LOC101059915: variants seen among roughly 807,000 people sequenced by gnomAD.
the LOC101059915 span, chrX:71,669,578 A>G: frequency 5.2e-6 from 5 of 960,925 alleles, no homozygotes; most frequent in Non-Finnish European, 5.2e-6. Context: ...CAGAAGCCAG[A>G]GCTGATTTCT....
chrX:71,668,812 C>T, the LOC101059915 span: 14 of 1,082,348 alleles, frequency 1.3e-5, no homozygotes, highest in South Asian at 2.4e-5. Flanking sequence ...AGAACTGGCC[C>T]TGCGGGGAGC....
chrX:71,670,177 A>G, the LOC101059915 span: 1 of 1,111,236 alleles, frequency 9.0e-7, no homozygotes, highest in Non-Finnish European at 1.2e-6. Context: ...GCAGAGGGTG[A>G]TGGTGCCTCA....
the LOC101059915 span, chrX:71,668,696 G>C: frequency 9.3e-7 from 1 of 1,076,819 alleles, no homozygotes; most frequent in Non-Finnish European, 1.2e-6. Flanking sequence ...TGGGGAAAGA[G>C]GGGGGTCAGG....
At chrX:71,670,128 G>T in the LOC101059915 span, 8 of 852,250 alleles carry the variant, frequency 9.4e-6, no homozygotes, top group Non-Finnish European at 1.3e-5. Context: ...CAGAGGGAGG[G>T]TTGGAGATGC....
chrX:71,668,251 A>G, the LOC101059915 span: 1 of 1,125,417 alleles, frequency 8.9e-7, no homozygotes, highest in Admixed American at 3.0e-5. Context: ...AGGTGCGCTG[A>G]GCCCCAGCCC....
chrX:71,667,899 A>G, the LOC101059915 span: 84 of 1,123,059 alleles, frequency 7.5e-5, no homozygotes, highest in East Asian at 1.8e-3. Flanking sequence ...CGGGAGCCCC[A>G]CGGGGTGACG....
chrX:71,670,569 A>T, the LOC101059915 span: 1 of 1,098,508 alleles, frequency 9.1e-7, no homozygotes. Context: ...AGGAAGCCAG[A>T]ATTGACTAAC....
At chrX:71,670,816 T>C in the LOC101059915 span, 15 of 752,019 alleles carry the variant, frequency 2.0e-5, no homozygotes, top group African/African-American at 3.0e-4. Flanking sequence ...CTGTGCCTTT[T>C]CAGCTAGGGG....
chrX:71,668,024 T>C, the LOC101059915 span: 1 of 1,165,681 alleles, frequency 8.6e-7, no homozygotes, highest in Non-Finnish European at 1.1e-6. Context: ...AGCGAATTGA[T>C]AGAGCAGGGA....
chrX:71,667,796 C>A, the LOC101059915 span: 1 of 1,056,412 alleles, frequency 9.5e-7, no homozygotes. Context: ...TCTAGACTGG[C>A]GGGCGCCATG....
chrX:71,669,529 G>A, the LOC101059915 span: 1 of 956,990 alleles, frequency 1.0e-6, no homozygotes, highest in Non-Finnish European at 1.3e-6. Context: ...CGTCCCCACT[G>A]CCAGCCTGAC....
At chrX:71,668,892 C>T in the LOC101059915 span, 25 of 1,112,530 alleles carry the variant, frequency 2.2e-5, no homozygotes, top group African/African-American at 1.9e-4. Context: ...CAGTGTCTGG[C>T]GTGGGGCTCC....
At chrX:71,668,393 C>G in the LOC101059915 span, 1 of 1,153,335 alleles carries the variant, frequency 8.7e-7, no homozygotes, top group Non-Finnish European at 1.2e-6. Flanking sequence ...CAGCCCTCCG[C>G]GGAAGGCCCC....
chrX:71,668,083 G>A, the LOC101059915 span: 5 of 1,149,915 alleles, frequency 4.3e-6, no homozygotes, highest in South Asian at 6.2e-5. Context: ...CCCGGTCGAC[G>A]ACCAAGCGGG....
the LOC101059915 span, chrX:71,668,573 A>G: frequency 3.6e-6 from 4 of 1,113,742 alleles, no homozygotes; most frequent in Non-Finnish European, 4.7e-6. Flanking sequence ...AGTTACCTTC[A>G]GGTTCAGGGA....
At chrX:71,671,050 A>C in the LOC101059915 span, 2 of 752,683 alleles carry the variant, frequency 2.7e-6, no homozygotes, top group African/African-American at 4.6e-5. Context: ...TCCTGCTTAG[A>C]AGGCATTTCC....
chrX:71,669,145 G>C, the LOC101059915 span: 7 of 977,627 alleles, frequency 7.2e-6, no homozygotes, highest in Non-Finnish European at 9.5e-6. Flanking sequence ...ACGCCTCTTT[G>C]CCCATGCCCT....
the LOC101059915 span, chrX:71,670,362 A>C: frequency 3.4e-3 from 3,895 of 1,162,425 alleles, 77 homozygotes; most frequent in African/African-American, 0.062. Flanking sequence ...TCCTAGAAAT[A>C]GAGGTCCACA....
the LOC101059915 span, chrX:71,667,871 G>A: frequency 3.0e-3 from 3,310 of 1,105,375 alleles, 58 homozygotes; most frequent in African/African-American, 0.056. Context: ...GAGCAGGCCG[G>A]CGCCCACACC....
Sources: allele counts gnomAD v4.1 joint callset, GRCh38; gene constraint gnomAD v4.1.1; transcripts MANE v1.5.